IFT80: variants seen among roughly 807,000 people sequenced by gnomAD.
IFT80 encodes intraflagellar transport protein 80 homolog.
Under a neutral mutation model 107.9 loss-of-function variants are expected in IFT80, and 79 were observed. The ratio of observed to expected loss-of-function variants is 0.73; its 90% CI spans 0.61 to 0.88. The LOEUF (loss-of-function observed/expected upper bound fraction) is 0.88. Ranked by LOEUF, IFT80 falls within the 40% of genes least tolerant of loss-of-function variation. IFT80 has a pLI of 0.00. For missense variants in IFT80, 797 were observed against 914.2 expected, an observed-to-expected ratio of 0.87 and a Z score of 1.65; for synonymous variants, 299 against 300.9, an observed-to-expected ratio of 0.99 and a Z score of 0.07.
intron 12 of IFT80, among the ~76,000 whole-genome samples, chr3:160,300,557 A>T (rs1184046810): frequency 6.6e-6 from 1 of 152,174 alleles, no homozygotes; most frequent in Non-Finnish European, 1.5e-5. Flanking sequence ...TAAAAAGATA[A>T]AAAACTTAAG....
intron 8 of IFT80, among the ~76,000 whole-genome samples, chr3:160,327,752 C>T (rs1027114583): frequency 6.6e-6 from 1 of 152,130 alleles, no homozygotes; most frequent in Non-Finnish European, 1.5e-5. Flanking sequence ...AAAACCTAGG[C>T]AATACCACTC....
intron 9 of IFT80, among the ~76,000 whole-genome samples, chr3:160,312,964 A>T (rs1403070664): frequency 3.1e-5 from 2 of 64,280 alleles, no homozygotes; most frequent in Non-Finnish European, 5.2e-5. Flanking sequence ...ATATATAAAT[A>T]TATAATATAT....
chr3:160,258,394 A>G lies in IFT80; in HGVS notation c.*131T>C. ...TTCATCTTTCTGCATGTACTTTTAC[A>G]CTAAATACACAGCAAGTACTTATAC... is the stretch of plus-strand genomic sequence containing the variant. On this transcript the variant is annotated 3_prime_UTR_variant, in exon 20 of 20. Transcript: ENST00000326448. 1 of 1,083,582 alleles carries G rather than the reference A, an allele frequency of 9.2e-7. No homozygotes were observed. Among genetic ancestry groups the G allele is most frequent in the Non-Finnish European group, 1.3e-6 (1 of 742,938 alleles). The allele number at this position is 1,083,582 out of a possible 1,614,324, so 67.1% of individuals were successfully genotyped here.
At chr3:160,264,401 G>T (rs1269776280) in intron 19 of IFT80, among the ~76,000 whole-genome samples, 1 of 149,970 alleles carries the variant, frequency 6.7e-6, no homozygotes, top group Admixed American at 6.7e-5. Flanking sequence ...GAGACTCTGT[G>T]CCTGGCCAGG....
chr3:160,303,838 T>C (rs561020877), intron 11 of IFT80, 77 bp downstream of exon 11: 8 of 890,282 alleles, frequency 9.0e-6, no homozygotes, highest in African/African-American at 1.6e-5. Context: ...ATTCTTTTAA[T>C]TGGATGTTTT....
At chr3:160,300,840 C>G in intron 12 of IFT80, 43 bp downstream of exon 12, 1 of 1,502,722 alleles carries the variant, frequency 6.7e-7, no homozygotes, top group Non-Finnish European at 9.1e-7. Context: ...ATAGTGTTAA[C>G]AAATTTCATA....
chr3:160,355,456 A>T (rs762573827), intron 8 of IFT80, among the ~76,000 whole-genome samples: 21 of 151,848 alleles, frequency 1.4e-4, no homozygotes, highest in Non-Finnish European at 2.5e-4. Context: ...TCACTCTGTT[A>T]CCCGGGCTGG....
chr3:160,277,544 A>G, intron 17 of IFT80, 37 bp downstream of exon 17: 1 of 1,583,268 alleles, frequency 6.3e-7, no homozygotes, highest in Non-Finnish European at 8.7e-7. Context: ...CGCTAAGAAA[A>G]AACACATGTA....
chr3:160,288,618 A>G (rs1715286208), intron 12 of IFT80, among the ~76,000 whole-genome samples: 1 of 152,204 alleles, frequency 6.6e-6, no homozygotes. Flanking sequence ...TCCAACATCT[A>G]TAAGGAACTT....
rs1718075660 is a variant in IFT80 at position 160,319,843 on chromosome 3, G to A, written c.874C>T (p.His292Tyr). Residue 292 changes from histidine (H) to tyrosine (Y), a missense_variant, in exon 9 of 20, where the codon CAT becomes TAT. His to Tyr is a moderately conservative substitution (Grantham distance 83). Coordinates refer to ENST00000326448, the MANE Select transcript of IFT80 (RefSeq NM_020800.3). ...TQIAGACGNG[H>Y]VVFAHVVEQH... ...TCCACCACATGTGCAAAAACGACAT[G>A]TCCATTTCCACAGGCTCCAGCAATC... 1.2e-6 allele frequency: 2 copies of A among 1,612,896 alleles called. No individual in the cohort carries two copies. Among genetic ancestry groups the A allele is most frequent in the Non-Finnish European group, 1.7e-6 (2 of 1,179,242 alleles).
At chr3:160,369,966 T>C (rs1722120833) in intron 5 of IFT80, among the ~76,000 whole-genome samples, 1 of 152,110 alleles carries the variant, frequency 6.6e-6, no homozygotes, top group South Asian at 2.1e-4. Context: ...CCTGGGGTTG[T>C]GTTAAATGTC....
intron 8 of IFT80, chr3:160,343,893 C>G (rs191900558): frequency 5.1e-6 from 1 of 194,950 alleles, no homozygotes; most frequent in Non-Finnish European, 1.1e-5. Context: ...CTAACAGACT[C>G]TCAATAAATA....
chr3:160,320,022 A>G (rs560696028), intron 8 of IFT80, 83 bp from the exon 9 acceptor site: 5 of 897,112 alleles, frequency 5.6e-6, no homozygotes, highest in South Asian at 1.5e-5. Flanking sequence ...TGACAACGTA[A>G]TAAGATCATT....
chr3:160,269,236 A>G (rs950479957), intron 18 of IFT80, among the ~76,000 whole-genome samples: 2 of 152,050 alleles, frequency 1.3e-5, no homozygotes, highest in Admixed American at 6.5e-5. Context: ...AAAAAAAAAA[A>G]AAAGAAAATA....
intron 19 of IFT80, among the ~76,000 whole-genome samples, chr3:160,267,540 T>C (rs148462097): frequency 6.6e-6 from 1 of 152,314 alleles, no homozygotes; most frequent in East Asian, 1.9e-4. Context: ...GTCAGCCCTG[T>C]CTTGTAATCA....
chr3:160,329,546 G>C (rs1718932483), intron 8 of IFT80, among the ~76,000 whole-genome samples: 2 of 152,242 alleles, frequency 1.3e-5, no homozygotes, highest in South Asian at 4.2e-4. Context: ...TTCATCAAGG[G>C]AGAGGTACCT....
chr3:160,325,079 T>C (rs1454051223), intron 8 of IFT80, among the ~76,000 whole-genome samples: 1 of 151,394 alleles, frequency 6.6e-6, no homozygotes, highest in African/African-American at 2.4e-5. Context: ...ACAAGGGACG[T>C]GAAGGACCTC....
intron 8 of IFT80, among the ~76,000 whole-genome samples, chr3:160,335,487 G>A (rs935411824): frequency 6.6e-6 from 1 of 152,074 alleles, no homozygotes; most frequent in Non-Finnish European, 1.5e-5. Flanking sequence ...CTCCCAAAGT[G>A]CTGGGATTAC....
chr3:160,364,061 G>A (rs1217348614), intron 6 of IFT80, among the ~76,000 whole-genome samples: 1 of 152,154 alleles, frequency 6.6e-6, no homozygotes, highest in East Asian at 1.9e-4. Context: ...CCATCAGAGT[G>A]AACAGGCAAC....
Sources: gnomAD v4.1 joint callset for allele counts (sites outside exome capture counted in the v4.1 genomes callset) on GRCh38, gnomAD v4.1.1 for gene constraint, MANE v1.5 for transcripts, NCBI Gene and HGNC (gene_info 2026-07-23, HGNC 2026-07-21) for gene names.